Variants in DHX40 observed in about 807,000 individuals in gnomAD.
DHX40 encodes probable ATP-dependent RNA helicase DHX40.
A neutral mutation model predicts 89.6 loss-of-function variants in DHX40; 28 were observed. That is an observed-to-expected ratio of 0.31 (90% confidence interval 0.23 to 0.43). The LOEUF is 0.43. Among genes scored for constraint, DHX40 ranks in the 20% least tolerant of loss-of-function variants. The probability of loss-of-function intolerance (pLI) is 1.00; values close to 1 mark genes in which losing one functional copy is unlikely to be tolerated. For missense variants in DHX40, 457 were observed against 844.0 expected, an observed-to-expected ratio of 0.54 and a Z score of 5.68; for synonymous variants, 226 against 283.6, an observed-to-expected ratio of 0.80 and a Z score of 2.04.
chr17:59,607,468 A>C lies in DHX40; in HGVS notation c.*296A>C. 1 of 587,206 alleles carries C rather than the reference A, an allele frequency of 1.7e-6. No homozygotes were observed. The highest frequency in any genetic ancestry group is 3.0e-5 in the Admixed American group (1 of 33,522). The allele number at this position is 587,206 out of a possible 1,614,324, so 36.4% of individuals were successfully genotyped here. The stretch of plus-strand genomic sequence containing the variant: ...TTTTGCTGGCCTTAACTGGTATCAA[A>C]CGCTGTCATTGAGATGTTTTCAAAG... On this transcript the variant is annotated 3_prime_UTR_variant, in exon 18 of 18. Coordinates refer to ENST00000251241, the MANE Select transcript of DHX40 (RefSeq NM_024612.5).
intron 12 of DHX40, among the ~76,000 whole-genome samples, chr17:59,591,962 G>A (rs963303539): frequency 3.3e-5 from 5 of 151,690 alleles, no homozygotes; most frequent in Admixed American, 1.3e-4. Flanking sequence ...TTGACCTCCC[G>A]GGCTCAAGCA....
rs925288813 is a variant in DHX40, at chr17:59,602,558, A to G, written c.1843A>G (p.Lys615Glu). Residue 615 changes from lysine (K) to glutamate (E), a missense_variant, in exon 15 of 18, where the codon AAA (lysine) becomes GAA (glutamate). Around this residue, in one of 9 missense-constraint regions of DHX40, gnomAD observed 32 missense variants for 60.0 expected, o/e 0.53. Coordinates refer to ENST00000251241, the MANE Select transcript of DHX40 (RefSeq NM_024612.5). ...CCCAAAAGAGACCTTTGAAGGCCCT[A>G]AACATGAAGTACTACGAAGATGTCT... ...DFPKETFEGP[K>E]HEVLRRCLCA... 1 of 1,613,916 alleles carries G rather than the reference A, an allele frequency of 6.2e-7. No individual in the cohort carries two copies. The highest frequency in any genetic ancestry group is 2.2e-5 in the East Asian group (1 of 44,862).
rs2048833546 is a variant in DHX40 at position 59,573,102 on chromosome 17, TG to T, written c.427-13del. 1 of 1,599,618 alleles carries T rather than the reference TG, an allele frequency of 6.3e-7. No individual in the cohort carries two copies. The highest frequency in any genetic ancestry group is 1.1e-5 in the South Asian group (1 of 87,720). On this transcript the variant is annotated splice_polypyrimidine_tract_variant and intron_variant, in intron 3 of 17. Coordinates refer to ENST00000251241, the MANE Select transcript of DHX40 (RefSeq NM_024612.5). Reference sequence around the variant, plus strand: ...TAGTGGTGAATTCCTGTGACACTGCTGTTTGAACATTAGGAGACAGCAATCA... The same window carrying T: ...TAGTGGTGAATTCCTGTGACACTGCTTTTGAACATTAGGAGACAGCAATCA...
rs1363007993 is a variant in DHX40 at position 59,565,885 on chromosome 17, G to A, written c.112+102G>A. The A allele has an allele frequency of 2.2e-5, 22 of 1,008,860 alleles. No individual in the cohort carries two copies. In the South Asian group the frequency reaches 4.3e-4, roughly 20 times the overall value. 62.5% of individuals were successfully genotyped at this position (1,008,860 alleles called of 1,614,324 possible). A position where few individuals can be genotyped will look rare whatever the true frequency, so the allele number is the denominator to read the frequency against. ...TTTGGCAGGCTGAGAAGAGTAGTGA[G>A]GAAGCCGTGGCGTTCTCCTGGCTTT... On this transcript the variant is annotated intron_variant, in intron 1 of 17. Transcript: ENST00000251241.
At chr17:59,606,803 A>G (rs1001498558) in intron 17 of DHX40, among the ~76,000 whole-genome samples, 4 of 152,128 alleles carry the variant, frequency 2.6e-5, no homozygotes, top group African/African-American at 9.7e-5. Context: ...TTACAGTGTA[A>G]TAACACTGCC....
intron 7 of DHX40, 183 bp from the exon 8 acceptor site, chr17:59,577,083 A>T: frequency 3.2e-6 from 2 of 634,142 alleles, no homozygotes; most frequent in South Asian, 3.1e-5. Context: ...GTTAGCCAGG[A>T]TGGTCTCGAT....
At chr17:59,571,309 T>G (rs2048804588) in intron 3 of DHX40, among the ~76,000 whole-genome samples, 1 of 151,786 alleles carries the variant, frequency 6.6e-6, no homozygotes. Flanking sequence ...AATACAAAAT[T>G]AGCTGGGCAC....
intron 2 of DHX40, among the ~76,000 whole-genome samples, chr17:59,567,584 A>C (rs942962321): frequency 1.2e-4 from 19 of 152,172 alleles, no homozygotes; most frequent in Admixed American, 5.9e-4. Context: ...ATTCTATTTT[A>C]TGAGACGATG....
chr17:59,607,105 C>G lies in DHX40; in HGVS notation c.2273C>G (p.Ala758Gly), dbSNP rs751747695. The G allele has an allele frequency of 1.9e-5, 31 of 1,614,020 alleles. No individual in the cohort carries two copies. Among genetic ancestry groups the G allele is most frequent in the Non-Finnish European group, 2.5e-5 (30 of 1,180,026 alleles). Residue 758 changes from alanine (A) to glycine (G), a missense_variant, in exon 18 of 18, where the codon GCT becomes GGT. By Grantham distance (60) the Ala-to-Gly change is moderately conservative (BLOSUM62 0). Coordinates refer to ENST00000251241, the MANE Select transcript of DHX40 (RefSeq NM_024612.5). The part of the protein sequence containing the change: ...NDDKSISDAR[A>G]RFLERKQQRT... The stretch of plus-strand genomic sequence containing the variant: ...GACAAATCCATATCTGATGCACGGG[C>G]TCGTTTCCTTGAGAGAAAGCAGCAG...
intron 1 of DHX40, among the ~76,000 whole-genome samples, chr17:59,566,347 A>C (rs114390925): frequency 0.017 from 2,650 of 152,300 alleles, 83 homozygotes; most frequent in African/African-American, 0.06. Context: ...GCATGTGTAT[A>C]CGTTGCCTTG....
chr17:59,586,254 T>C (rs1173504994), intron 11 of DHX40, 21 bp downstream of exon 11: 2 of 1,017,732 alleles, frequency 2.0e-6, no homozygotes, highest in Non-Finnish European at 2.9e-6. Flanking sequence ...AAAAAAAAAA[T>C]CACAATCAAA....
intron 12 of DHX40, among the ~76,000 whole-genome samples, chr17:59,588,962 C>T (rs1354081184): frequency 1.1e-4 from 17 of 152,216 alleles, no homozygotes; most frequent in Admixed American, 2.6e-4. Flanking sequence ...GAAATGCCTT[C>T]GCTTCTTTGT....
rs534715034 is a variant in DHX40, at chr17:59,593,713, C to T, written c.1583-5024C>T. On this transcript the variant is annotated intron_variant, in intron 12 of 17. Transcript: ENST00000251241. Reference sequence around the variant, plus strand: ...GGTCTCAAACTCCTGACCTCCTGACCTCAGGTGATCCGCCCACCTTGGCCT... The same window carrying T: ...GGTCTCAAACTCCTGACCTCCTGACTTCAGGTGATCCGCCCACCTTGGCCT... Among the ~76,000 whole-genome samples, 63 of 139,284 alleles carry T rather than the reference C, an allele frequency of 4.5e-4. 3 individuals carry two copies. The East Asian group carries it at 0.013, about 29-fold the overall frequency. 91.4% of individuals were successfully genotyped at this position (139,284 alleles called of 152,430 possible). A position where few individuals can be genotyped will look rare whatever the true frequency, so the allele number is the denominator to read the frequency against.
chr17:59,568,865 T>G (rs973367533), intron 2 of DHX40, among the ~76,000 whole-genome samples: 1 of 150,144 alleles, frequency 6.7e-6, no homozygotes, highest in African/African-American at 2.4e-5. Context: ...AATATAGATA[T>G]ATATATTTAT....
chr17:59,599,797 CA>C, intron 14 of DHX40: 1 of 189,014 alleles, frequency 5.3e-6, no homozygotes, highest in East Asian at 1.8e-4. Context: ...ACATATCCAT[CA>C]TCTCCCAGTT....
At chr17:59,573,361 G>C (rs1232361626) in intron 4 of DHX40, 126 bp downstream of exon 4, 1 of 798,516 alleles carries the variant, frequency 1.3e-6, no homozygotes, top group Non-Finnish European at 1.9e-6. Flanking sequence ...ATGGAGTCTT[G>C]CTCCATCACC....
rs796429544 is a variant in DHX40 at position 59,573,551 on chromosome 17, C to T, written c.547-189C>T. Among the ~76,000 whole-genome samples, 15 of 152,248 alleles carry T rather than the reference C, an allele frequency of 9.9e-5. No homozygotes were observed. The East Asian group carries it at 1.2e-3, about 12-fold the overall frequency. On this transcript the variant is annotated intron_variant, in intron 4 of 17. Coordinates refer to ENST00000251241, the MANE Select transcript of DHX40 (RefSeq NM_024612.5). The stretch of plus-strand genomic sequence containing the variant: ...GTCTCGTTTTGTTTCCCTGGCAGGT[C>T]TCGACCTCCTGGCCTCCGACCTTGG...
At chr17:59,598,994 T>C in intron 13 of DHX40, 143 bp downstream of exon 13, 3 of 597,188 alleles carry the variant, frequency 5.0e-6, no homozygotes, top group Non-Finnish European at 9.2e-6. Context: ...AAATTATCTA[T>C]GTCAGATGAC....
chr17:59,574,492 G>A (rs1166023524), intron 6 of DHX40, among the ~76,000 whole-genome samples: 1 of 151,308 alleles, frequency 6.6e-6, no homozygotes, highest in Non-Finnish European at 1.5e-5. Flanking sequence ...ATAATAGTAT[G>A]TATATATATT....
Sources: allele counts gnomAD v4.1 joint callset (sites outside exome capture counted in the v4.1 genomes callset), GRCh38; gene constraint gnomAD v4.1.1; regional missense constraint gnomAD v4.1.1; transcripts MANE v1.5; gene names NCBI Gene and HGNC (gene_info 2026-07-23, HGNC 2026-07-21).